ILK: variants seen among roughly 807,000 people sequenced by gnomAD.
ILK encodes the protein scaffold protein ILK.
Under a neutral mutation model 57.8 loss-of-function variants are expected in ILK, and 37 were observed. The observed-to-expected ratio is 0.64, with a 90% CI of 0.49 to 0.84. ILK has a LOEUF of 0.84. ILK is among the 40% of genes least tolerant of loss of function. The pLI, the probability that ILK is intolerant of heterozygous loss-of-function variation, is 0.00. For missense variants in ILK, 528 were observed against 595.7 expected, an observed-to-expected ratio of 0.89 and a Z score of 1.18; for synonymous variants, 231 against 202.2, an observed-to-expected ratio of 1.14 and a Z score of -1.21.
Position 6,609,327 on chromosome 11 carries a change from A to G in ILK, c.647A>G (p.Asp216Gly), listed in dbSNP as rs576804127. ...TGGAAGGGCCGCTGGCAGGGCAATG[A>G]CATTGTCGTGAAGGTGCTGAAGGTT... The part of the protein sequence containing the change: ...ELWKGRWQGN[D>G]IVVKVLKVRD... The change falls in exon 8 of 13, where the codon GAC becomes GGC. Residue 216 changes from aspartate (D) to glycine (G), a missense_variant. Physicochemically the swap from Asp to Gly is moderately conservative, Grantham distance 94 (BLOSUM62 -1). Coordinates refer to ENST00000299421, the MANE Select transcript of ILK (RefSeq NM_004517.4). The G allele has an allele frequency of 6.8e-6, 11 of 1,614,148 alleles. No individual in the cohort carries two copies. Among genetic ancestry groups the G allele is most frequent in the Non-Finnish European group, 9.3e-6 (11 of 1,180,022 alleles).
Position 6,609,484 on chromosome 11 carries a change from G to T in ILK, c.729-28G>T, listed in dbSNP as rs766405109. On this transcript the variant is annotated intron_variant, in intron 8 of 12. Transcript: ENST00000299421. ...GCACTGAAAGAGATCTTTTGTACTG[G>T]GTCTCAACCACTCCCTCCCTCTTCT... The T allele has an allele frequency of 2.8e-4, 445 of 1,614,014 alleles. No homozygotes were observed. In the Admixed American group the frequency reaches 3.4e-3, roughly 12 times the overall value.
At chr11:6,605,365 C>T (rs4758439) in intron 2 of ILK, among the ~76,000 whole-genome samples, 49,461 of 149,102 alleles carry the variant, frequency 0.33, 8,734 homozygotes, top group African/African-American at 0.47. Flanking sequence ...AAGGAGCAAC[C>T]GCAAGTTGAA....
intron 2 of ILK, chr11:6,607,740 A>C (rs776278545): frequency 9.5e-6 from 4 of 423,178 alleles, no homozygotes; most frequent in Non-Finnish European, 1.8e-5. Context: ...GGACCAATAG[A>C]TGTTGCAGAA....
At chr11:6,604,726 T>G in intron 2 of ILK, 1 of 473,514 alleles carries the variant, frequency 2.1e-6, no homozygotes, top group Non-Finnish European at 4.0e-6. Flanking sequence ...GAACAGGACA[T>G]AAGACTGTAG....
Position 6,608,529 on chromosome 11 carries a change from TAA to T in ILK, c.351+42_351+43del. 6.5e-7 allele frequency: 1 copy of T among 1,545,814 alleles called. No homozygotes were observed. Among genetic ancestry groups the T allele is most frequent in the Middle Eastern group, 1.7e-4 (1 of 5,854 alleles). On this transcript the variant is annotated intron_variant, in intron 4 of 12. Transcript: ENST00000299421. The surrounding 1 kb of genome is among the most constrained non-coding windows in gnomAD (Gnocchi z 4.9). ...CTTAATTCCTGAGATGGGTAGGAAG[TAA>T]AGTCTGAGCCTTGGTGGGAGATTTT...
At position 6,610,616 on chromosome 11, in the gene ILK, G is replaced by A. The variant is rs761269914; in HGVS notation, c.*5G>A. On this transcript the variant is annotated 3_prime_UTR_variant, in exon 13 of 13. Coordinates refer to ENST00000299421, the MANE Select transcript of ILK (RefSeq NM_004517.4). ...GAGAAGATGCAGGACAAGTAGGACTGGAAGGTCCTTGCCTGAACTCCAGAG... is the reference window on the plus strand; with the variant it reads ...GAGAAGATGCAGGACAAGTAGGACTAGAAGGTCCTTGCCTGAACTCCAGAG... 1.9e-6 allele frequency: 3 copies of A among 1,614,186 alleles called. No homozygotes were observed. The highest frequency in any genetic ancestry group is 2.5e-6 in the Non-Finnish European group (3 of 1,180,002).
At position 6,604,160 on chromosome 11, in the gene ILK, CAA is replaced by C. The variant is rs1423795589; in HGVS notation, c.-92-18_-92-17del. 1 of 1,013,462 alleles carries C rather than the reference CAA, an allele frequency of 9.9e-7. No homozygotes were observed. The highest frequency in any genetic ancestry group is 2.6e-5 in the East Asian group (1 of 38,490). 62.8% of individuals were successfully genotyped at this position (1,013,462 alleles called of 1,614,324 possible). On this transcript the variant is annotated intron_variant, in intron 1 of 12. Transcript: ENST00000299421. Reference sequence around the variant, plus strand: ...CAGCTCAGGCCCCCTACCCCCAACACAAACACTTCTCTCCTGTAGAGGATAAA... The same window carrying C: ...CAGCTCAGGCCCCCTACCCCCAACACACACTTCTCTCCTGTAGAGGATAAA...
At chr11:6,604,738 G>T in intron 2 of ILK, 1 of 476,236 alleles carries the variant, frequency 2.1e-6, no homozygotes, top group African/African-American at 2.0e-5. Context: ...AGACTGTAGA[G>T]GTCTCCAAGG....
Position 6,610,618 on chromosome 11 carries a change from A to G in ILK, c.*7A>G. The G allele has an allele frequency of 1.2e-6, 2 of 1,614,148 alleles. No individual in the cohort carries two copies. The highest frequency in any genetic ancestry group is 1.7e-6 in the Non-Finnish European group (2 of 1,179,976). ...GAAGATGCAGGACAAGTAGGACTGG[A>G]AGGTCCTTGCCTGAACTCCAGAGGT... On this transcript the variant is annotated 3_prime_UTR_variant, in exon 13 of 13. Transcript: ENST00000299421.
chr11:6,608,643 A>C lies in ILK; in HGVS notation c.352-51A>C. On this transcript the variant is annotated intron_variant, in intron 4 of 12. Transcript: ENST00000299421. The surrounding 1 kb of genome is among the most constrained non-coding windows in gnomAD (Gnocchi z 4.9). Reference sequence around the variant, plus strand: ...TTGTGCATTCATGGTTGGTTCAGTGACTGCCAGCGAGGTAGCAGTGGCTCT... The same window carrying C: ...TTGTGCATTCATGGTTGGTTCAGTGCCTGCCAGCGAGGTAGCAGTGGCTCT... The C allele has an allele frequency of 6.7e-7, 1 of 1,493,830 alleles. No homozygotes were observed. Among genetic ancestry groups the C allele is most frequent in the Non-Finnish European group, 9.3e-7 (1 of 1,070,216 alleles). 92.5% of individuals were successfully genotyped at this position (1,493,830 alleles called of 1,614,324 possible).
chr11:6,604,160 C>T lies in ILK; in HGVS notation c.-92-20C>T. 2 of 1,013,462 alleles carry T rather than the reference C, an allele frequency of 2.0e-6. No homozygotes were observed. Among genetic ancestry groups the T allele is most frequent in the Non-Finnish European group, 3.0e-6 (2 of 670,366 alleles). 62.8% of individuals were successfully genotyped at this position (1,013,462 alleles called of 1,614,324 possible). The stretch of plus-strand genomic sequence containing the variant: ...CAGCTCAGGCCCCCTACCCCCAACA[C>T]AAACACTTCTCTCCTGTAGAGGATA... On this transcript the variant is annotated intron_variant, in intron 1 of 12. Transcript: ENST00000299421.
At position 6,609,292 on chromosome 11, in the gene ILK, CCTG is replaced by C; in HGVS notation, c.619-5_619-3del. On this transcript the variant is annotated splice_region_variant and splice_polypyrimidine_tract_variant and intron_variant, in intron 7 of 12. Transcript: ENST00000299421. ...TTCAAGCCTCCTAACCCCTACCTGT[CCTG>C]CAGCTATGGAAGGGCCGCTGGCAGG... 1 of 1,613,450 alleles carries C rather than the reference CCTG, an allele frequency of 6.2e-7. No individual in the cohort carries two copies. The highest frequency in any genetic ancestry group is 8.5e-7 in the Non-Finnish European group (1 of 1,179,420).
rs569140095 is a variant in ILK, at chr11:6,608,917, G to T, written c.482G>T (p.Arg161Leu). The change falls in exon 6 of 13, where the codon CGT (arginine) becomes CTT (leucine). Residue 161 changes from arginine (R) to leucine (L), a missense_variant. Physicochemically the swap from Arg to Leu is moderately radical, Grantham distance 102. Transcript: ENST00000299421. This position sits in a 1 kb window ranked among gnomAD's most constrained non-coding sequence, Gnocchi z 4.9. Reference sequence around the variant, plus strand: ...GAGAAGATGGGCCAGAATCTCAACCGTATTCCATACAAGGACACATTCTGG... The same window carrying T: ...GAGAAGATGGGCCAGAATCTCAACCTTATTCCATACAAGGACACATTCTGG... ...RAEKMGQNLNRIPYKDTFWKG... is the reference protein window; with the variant it reads ...RAEKMGQNLNLIPYKDTFWKG... 1 of 1,613,998 alleles carries T rather than the reference G, an allele frequency of 6.2e-7. No homozygotes were observed. The highest frequency in any genetic ancestry group is 1.3e-5 in the African/African-American group (1 of 74,878).
rs1855235708 is a variant in ILK, at chr11:6,609,101, T to C, written c.563T>C (p.Ile188Thr). 1 of 1,614,074 alleles carries C rather than the reference T, an allele frequency of 6.2e-7. No homozygotes were observed. The highest frequency in any genetic ancestry group is 1.3e-5 in the African/African-American group (1 of 74,918). ...GGAACCCTGAACAAACACTCTGGCATTGACTTCAAACAGCTTAACTTCCTG... is the reference window on the plus strand; with the variant it reads ...GGAACCCTGAACAAACACTCTGGCACTGACTTCAAACAGCTTAACTTCCTG... ...RNGTLNKHSG[I>T]DFKQLNFLTK... The change falls in exon 7 of 13, where the codon ATT (isoleucine) becomes ACT (threonine). Residue 188 changes from isoleucine (I) to threonine (T), a missense_variant. Ile to Thr is a moderately conservative substitution (Grantham distance 89). Coordinates refer to ENST00000299421, the MANE Select transcript of ILK (RefSeq NM_004517.4).
intron 2 of ILK, among the ~76,000 whole-genome samples, chr11:6,606,022 A>G (rs1854868645): frequency 6.6e-6 from 1 of 152,178 alleles, no homozygotes; most frequent in South Asian, 2.1e-4. Context: ...AAAAATACAA[A>G]AATTAGCCAG....
Position 6,608,801 on chromosome 11 carries a change from C to T in ILK, c.448+11C>T. ...GAGAGCTTCTCCGAGGTCCATCTCC[C>T]CATCCCCTAGCTTGTGTCCTCTCGT... On this transcript the variant is annotated intron_variant, in intron 5 of 12. Coordinates refer to ENST00000299421, the MANE Select transcript of ILK (RefSeq NM_004517.4). This position sits in a 1 kb window ranked among gnomAD's most constrained non-coding sequence, Gnocchi z 4.9. 6.2e-7 allele frequency: 1 copy of T among 1,612,752 alleles called. No individual in the cohort carries two copies. The highest frequency in any genetic ancestry group is 8.5e-7 in the Non-Finnish European group (1 of 1,178,734).
rs1049786548 is a variant in ILK, at chr11:6,608,729, T to C, written c.387T>C (p.Cys129=). Reference sequence around the variant, plus strand: ...CAAATGGGGCCCTTGTCAGCATCTGTAACAAGTATGGAGAGATGCCTGTGG... The same window carrying C: ...CAAATGGGGCCCTTGTCAGCATCTGCAACAAGTATGGAGAGATGCCTGTGG... ...LVANGALVSI[C]NKYGEMPVDK... Residue 129 remains cysteine, a synonymous_variant, in exon 5 of 13, where the codon TGT becomes TGC. Transcript: ENST00000299421. This position sits in a 1 kb window ranked among gnomAD's most constrained non-coding sequence, Gnocchi z 4.9. 1 of 1,614,140 alleles carries C rather than the reference T, an allele frequency of 6.2e-7. No homozygotes were observed. Among genetic ancestry groups the C allele is most frequent in the Non-Finnish European group, 8.5e-7 (1 of 1,179,982 alleles).
At chr11:6,605,666 G>A (rs1006156687) in intron 2 of ILK, among the ~76,000 whole-genome samples, 1 of 151,912 alleles carries the variant, frequency 6.6e-6, no homozygotes, top group South Asian at 2.1e-4. Flanking sequence ...CTTCCTACCC[G>A]CCCCACTCTG....
At position 6,609,011 on chromosome 11, in the gene ILK, C is replaced by A. The variant is rs183160844; in HGVS notation, c.532+44C>A. 6 of 1,612,524 alleles carry A rather than the reference C, an allele frequency of 3.7e-6. No individual in the cohort carries two copies. The African/African-American group carries it at 6.7e-5, about 18-fold the overall frequency. On this transcript the variant is annotated intron_variant, in intron 6 of 12. Coordinates refer to ENST00000299421, the MANE Select transcript of ILK (RefSeq NM_004517.4). Reference sequence around the variant, plus strand: ...AAGAAGGGTTGTAAAAGGAAATAATCCTGGCCTCTTGGGGCTGGGTTAGGG... The same window carrying A: ...AAGAAGGGTTGTAAAAGGAAATAATACTGGCCTCTTGGGGCTGGGTTAGGG...
Sources: gnomAD v4.1 joint callset for allele counts (sites outside exome capture counted in the v4.1 genomes callset) on GRCh38, gnomAD v4.1.1 for gene constraint, Gnocchi (gnomAD v3.1) non-coding constraint, MANE v1.5 for transcripts, NCBI Gene and HGNC (gene_info 2026-07-23, HGNC 2026-07-21) for gene names.